ST6GALNAC3: variants seen among roughly 807,000 people sequenced by gnomAD.
The protein encoded by ST6GALNAC3 is alpha-N-acetylgalactosaminide alpha-2,6-sialyltransferase 3.
In ST6GALNAC3, 25 loss-of-function variants were observed where a neutral mutation model predicts 32.7. That is an observed-to-expected ratio of 0.76 (90% CI 0.56 to 1.07). The LOEUF (loss-of-function observed/expected upper bound fraction) is 1.07. Ranked by LOEUF, ST6GALNAC3 falls within the 50% of genes least tolerant of loss-of-function variation. The pLI is 0.00. For missense variants in ST6GALNAC3, 355 were observed against 382.4 expected (o/e 0.93, Z 0.60); for synonymous variants, 129 against 133.1 (o/e 0.97, Z 0.21).
At chr1:76,465,747 T>C (rs956148524) in intron 3 of ST6GALNAC3, among the ~76,000 whole-genome samples, 4 of 152,060 alleles carry the variant, frequency 2.6e-5, no homozygotes, top group African/African-American at 9.7e-5. Flanking sequence ...GATTTTCCTG[T>C]TGGTGAGGGC....
chr1:76,449,715 GGTT>G (rs1657249885), intron 3 of ST6GALNAC3, among the ~76,000 whole-genome samples: 1 of 151,944 alleles, frequency 6.6e-6, no homozygotes, highest in African/African-American at 2.4e-5. Context: ...ATCTTAATTG[GGTT>G]GTTAACTTTT....
intron 1 of ST6GALNAC3, among the ~76,000 whole-genome samples, chr1:76,078,817 G>T (rs1458686306): frequency 6.6e-6 from 1 of 152,042 alleles, no homozygotes; most frequent in Non-Finnish European, 1.5e-5. Context: ...GTCTCACTCT[G>T]TTGCCCAGGC....
intron 2 of ST6GALNAC3, among the ~76,000 whole-genome samples, chr1:76,401,071 CT>C (rs1266690446): frequency 1.3e-5 from 2 of 152,004 alleles, no homozygotes; most frequent in Non-Finnish European, 2.9e-5. Flanking sequence ...GTAATTGAGC[CT>C]TTTGAATCAC....
chr1:76,467,511 T>C (rs557245840), intron 3 of ST6GALNAC3, among the ~76,000 whole-genome samples: 9 of 151,994 alleles, frequency 5.9e-5, no homozygotes, highest in Non-Finnish European at 1.3e-4. Context: ...AGATGATGAA[T>C]TATTAAGTAG....
chr1:76,558,624 GCTGAAAAACTACCTA>G (rs1257264150), intron 3 of ST6GALNAC3, among the ~76,000 whole-genome samples: 1 of 152,112 alleles, frequency 6.6e-6, no homozygotes, highest in Non-Finnish European at 1.5e-5. Flanking sequence ...GGGAGGAAGG[GCTGAAAAACTACCTA>G]CTGGGTACTA....
At chr1:76,380,395 C>T (rs1461412689) in intron 2 of ST6GALNAC3, among the ~76,000 whole-genome samples, 1 of 152,126 alleles carries the variant, frequency 6.6e-6, no homozygotes, top group Non-Finnish European at 1.5e-5. Context: ...CTGTGGTAAA[C>T]TATTTATTGC....
chr1:76,584,788 T>C (rs1332288881), intron 3 of ST6GALNAC3, among the ~76,000 whole-genome samples: 1 of 152,210 alleles, frequency 6.6e-6, no homozygotes, highest in Non-Finnish European at 1.5e-5. Flanking sequence ...GCTGAAATGG[T>C]TGAATTGAGC....
chr1:76,370,923 T>C (rs1335196748), intron 2 of ST6GALNAC3, among the ~76,000 whole-genome samples: 1 of 152,024 alleles, frequency 6.6e-6, no homozygotes, highest in African/African-American at 2.4e-5. Context: ...TCTTGACCCT[T>C]TTTATATTGC....
At chr1:76,389,262 T>C (rs1652344641) in intron 2 of ST6GALNAC3, among the ~76,000 whole-genome samples, 1 of 152,004 alleles carries the variant, frequency 6.6e-6, no homozygotes. Flanking sequence ...GACAGAATAG[T>C]CTCAGTCCTG....
At position 76,277,524 on chromosome 1, in the gene ST6GALNAC3, A is replaced by ATG. The variant is rs1302280630; in HGVS notation, c.19-36277_19-36276dup. ...ATTAAAGACATATATGTATATGTTT[A>ATG]TGTGTATATATATATATATATATAT... On this transcript the variant is annotated intron_variant, in intron 1 of 4. Coordinates refer to ENST00000328299, the MANE Select transcript of ST6GALNAC3 (RefSeq NM_152996.4). Among the ~76,000 whole-genome samples the ATG allele has an allele frequency of 5.5e-5, 7 of 127,046 alleles. No homozygotes were observed. In the South Asian group the frequency reaches 1.1e-3, roughly 20 times the overall value. The allele number at this position is 127,046 out of a possible 152,430, so 83.3% of individuals were successfully genotyped here. A position where few individuals can be genotyped will look rare whatever the true frequency, so the allele number is the denominator to read the frequency against.
intron 2 of ST6GALNAC3, among the ~76,000 whole-genome samples, chr1:76,336,327 T>G (rs1216902634): frequency 6.6e-6 from 1 of 152,240 alleles, no homozygotes; most frequent in East Asian, 1.9e-4. Context: ...GGGCACAGAA[T>G]ATTTCTGGTT....
chr1:76,427,534 G>T (rs116250164), intron 3 of ST6GALNAC3, among the ~76,000 whole-genome samples: 1 of 151,964 alleles, frequency 6.6e-6, no homozygotes, highest in Non-Finnish European at 1.5e-5. Flanking sequence ...AAAATTAATC[G>T]TATCTCCAAA....
intron 2 of ST6GALNAC3, among the ~76,000 whole-genome samples, chr1:76,408,661 T>C (rs1479836980): frequency 6.6e-6 from 1 of 152,118 alleles, no homozygotes; most frequent in African/African-American, 2.4e-5. Flanking sequence ...AATTCTATAT[T>C]AAGCCTTGTT....
chr1:76,510,493 C>T (rs1041635926), intron 3 of ST6GALNAC3, among the ~76,000 whole-genome samples: 3 of 152,074 alleles, frequency 2.0e-5, no homozygotes, highest in South Asian at 2.1e-4. Flanking sequence ...ACCAGAGAGA[C>T]GGAACCTAGA....
intron 1 of ST6GALNAC3, among the ~76,000 whole-genome samples, chr1:76,089,122 G>A (rs1176584633): frequency 6.6e-6 from 1 of 152,126 alleles, no homozygotes; most frequent in Non-Finnish European, 1.5e-5. Context: ...TCCACCTCCC[G>A]GGTTCACACC....
At chr1:76,104,351 T>A (rs1647375054) in intron 1 of ST6GALNAC3, among the ~76,000 whole-genome samples, 1 of 152,204 alleles carries the variant, frequency 6.6e-6, no homozygotes, top group African/African-American at 2.4e-5. Flanking sequence ...GTTTCAGATA[T>A]TGAGATGGCT....
chr1:76,507,544 G>T (rs955290634), intron 3 of ST6GALNAC3, among the ~76,000 whole-genome samples: 11 of 152,118 alleles, frequency 7.2e-5, no homozygotes, highest in African/African-American at 2.7e-4. Flanking sequence ...TAAATATGTG[G>T]TCTATTGTGA....
At chr1:76,190,618 G>A (rs989697398) in intron 1 of ST6GALNAC3, among the ~76,000 whole-genome samples, 8 of 152,126 alleles carry the variant, frequency 5.3e-5, no homozygotes, top group Admixed American at 1.3e-4. Context: ...ATTTACCCGT[G>A]TTGATCAGAT....
At chr1:76,578,159 T>C (rs543715184) in intron 3 of ST6GALNAC3, among the ~76,000 whole-genome samples, 45 of 152,208 alleles carry the variant, frequency 3.0e-4, no homozygotes, top group Middle Eastern at 3.4e-3. Flanking sequence ...GCCACATATT[T>C]GGCTTGCAGA....
Sources: gnomAD v4.1 joint callset for allele counts (sites outside exome capture counted in the v4.1 genomes callset) on GRCh38, gnomAD v4.1.1 for gene constraint, MANE v1.5 for transcripts, NCBI Gene and HGNC (gene_info 2026-07-23, HGNC 2026-07-21) for gene names.